Variants in FRYL observed in about 807,000 individuals in gnomAD.
FRYL encodes the protein protein furry homolog-like.
Under a neutral mutation model 351.2 loss-of-function variants are expected in FRYL, and 150 were observed. The ratio of observed to expected loss-of-function variants is 0.43; its 90% CI spans 0.37 to 0.49. The LOEUF is 0.49. Among genes scored for constraint, FRYL ranks in the 20% least tolerant of loss-of-function variants. FRYL has a pLI of 0.00. For synonymous variants in FRYL, 1,153 were observed against 1,257.1 expected, an observed-to-expected ratio of 0.92 and a Z score of 1.75; for missense variants, 3,036 against 3,619.3, an observed-to-expected ratio of 0.84 and a Z score of 4.13.
At chr4:48,598,231 C>T (rs375762987) in intron 13 of FRYL, among the ~76,000 whole-genome samples, 1 of 152,072 alleles carries the variant, frequency 6.6e-6, no homozygotes, top group Non-Finnish European at 1.5e-5. Context: ...AAAAAACAAA[C>T]CCAAATCAAT....
At chr4:48,502,378 T>C (rs1211232473) in intron 61 of FRYL, among the ~76,000 whole-genome samples, 4 of 151,966 alleles carry the variant, frequency 2.6e-5, no homozygotes, top group Admixed American at 6.6e-5. Context: ...CCGTCTCTAC[T>C]AAAAATACAA....
At chr4:48,690,952 G>C (rs1765625701) in intron 2 of FRYL, among the ~76,000 whole-genome samples, 1 of 152,138 alleles carries the variant, frequency 6.6e-6, no homozygotes, top group African/African-American at 2.4e-5. Flanking sequence ...CAAGTAAGTA[G>C]CTACAATTTA....
At chr4:48,666,177 C>T (rs975999629) in intron 3 of FRYL, among the ~76,000 whole-genome samples, 15 of 152,098 alleles carry the variant, frequency 9.9e-5, no homozygotes, top group African/African-American at 3.4e-4. Context: ...GCCTGGCCAA[C>T]ATGGTGAAAC....
rs1775802385 is a variant in FRYL, at chr4:48,774,318, T to C, written c.-384+5760A>G. ...TTTTAACTCTTCACAAAACTTAACA[T>C]ATCAAAACTGCTGCATTATGGTCAA... is the stretch of plus-strand genomic sequence containing the variant. On this transcript the variant is annotated intron_variant, in intron 1 of 63. Coordinates refer to ENST00000358350, the MANE Select transcript of FRYL (RefSeq NM_015030.2). Among the ~76,000 whole-genome samples the C allele has an allele frequency of 2.0e-5, 3 of 152,148 alleles. No individual in the cohort carries two copies. In the South Asian group the frequency reaches 6.2e-4, roughly 31 times the overall value.
intron 1 of FRYL, among the ~76,000 whole-genome samples, chr4:48,776,014 G>A (rs949930898): frequency 1.4e-5 from 2 of 142,632 alleles, no homozygotes; most frequent in African/African-American, 5.2e-5. Context: ...AAGCATGAGA[G>A]ACAGTTTAAG....
chr4:48,547,507 G>T, intron 41 of FRYL, 77 bp downstream of exon 41: 1 of 759,022 alleles, frequency 1.3e-6, no homozygotes, highest in Non-Finnish European at 2.0e-6. Context: ...CTTTTATTCA[G>T]TTGACTTTCT....
rs956107795 is a variant in FRYL at position 48,540,088 on chromosome 4, C to G, written c.6296-20G>C. The G allele has an allele frequency of 1.9e-6, 3 of 1,554,560 alleles. No homozygotes were observed. The East Asian group carries it at 6.8e-5, about 35-fold the overall frequency. On this transcript the variant is annotated intron_variant, in intron 46 of 63. Coordinates refer to ENST00000358350, the MANE Select transcript of FRYL (RefSeq NM_015030.2). ...GAAAGCCTATCAAAACAAAAAAAAG[C>G]AAACAATAACCAATTTTATTGCACA...
chr4:48,666,857 C>T (rs1761799001), intron 3 of FRYL, among the ~76,000 whole-genome samples: 1 of 152,096 alleles, frequency 6.6e-6, no homozygotes. Context: ...AATCTTAACT[C>T]ACTCTTTAGA....
Position 48,543,834 on chromosome 4 carries a change from AGTTTC to A in FRYL, c.5560_5564del (p.Glu1854CysfsTer14). ...GTGCATCTTCTCCTGGATCCCCTAC[AGTTTC>A]TACAAGTCTGGAGAGAACATCAGAA... On this transcript the variant is annotated frameshift_variant, in exon 44 of 64. Transcript: ENST00000358350. LOFTEE classifies it high-confidence loss of function. The A allele has an allele frequency of 6.2e-7, 1 of 1,613,660 alleles. No homozygotes were observed. The highest frequency in any genetic ancestry group is 8.5e-7 in the Non-Finnish European group (1 of 1,179,712).
intron 31 of FRYL, among the ~76,000 whole-genome samples, chr4:48,563,280 A>T (rs1366741141): frequency 7.4e-6 from 1 of 134,972 alleles, no homozygotes; most frequent in Non-Finnish European, 1.6e-5. Flanking sequence ...CTGATGAACT[A>T]AAAAAAAAAA....
chr4:48,527,013 T>G (rs1726398422), intron 53 of FRYL, among the ~76,000 whole-genome samples: 1 of 152,178 alleles, frequency 6.6e-6, no homozygotes, highest in Non-Finnish European at 1.5e-5. Context: ...ATATGAGTAG[T>G]ATATGTATAT....
chr4:48,533,052 T>C (rs1283120836), intron 49 of FRYL, among the ~76,000 whole-genome samples: 13 of 152,112 alleles, frequency 8.5e-5, no homozygotes, highest in Admixed American at 8.5e-4. Context: ...TATTCTAACA[T>C]GAAAACCACC....
intron 19 of FRYL, 142 bp downstream of exon 19, chr4:48,586,479 G>A: frequency 2.1e-6 from 1 of 487,248 alleles, no homozygotes; most frequent in Non-Finnish European, 3.6e-6. Context: ...AAGACAAAAT[G>A]GAAGTTTAGA....
chr4:48,610,751 T>A (rs2149282212), intron 7 of FRYL, among the ~76,000 whole-genome samples: 1 of 146,584 alleles, frequency 6.8e-6, no homozygotes, highest in African/African-American at 2.5e-5. Flanking sequence ...ATATATTGTA[T>A]ATATACATAT....
At chr4:48,541,537 G>GA (rs1276584493) in intron 45 of FRYL, among the ~76,000 whole-genome samples, 6 of 152,138 alleles carry the variant, frequency 3.9e-5, no homozygotes, top group African/African-American at 2.4e-5. Context: ...ATTACAATAT[G>GA]AAAAAATCAC....
intron 3 of FRYL, among the ~76,000 whole-genome samples, chr4:48,656,727 AC>A (rs1759291320): frequency 4.3e-4 from 6 of 13,972 alleles, no homozygotes; most frequent in Non-Finnish European, 6.9e-4. Flanking sequence ...TATATGACTG[AC>A]TATATATATA....
Position 48,546,191 on chromosome 4 carries a change from T to A in FRYL, c.5155A>T (p.Ser1719Cys). Residue 1719 changes from serine to cysteine, a missense_variant, in exon 42 of 64, where the codon AGT becomes TGT. By Grantham distance (112) the Ser-to-Cys change is moderately radical. Transcript: ENST00000358350. Reference protein sequence around the residue: ...SGLSSSSTSSSISLGNNSAAI... With the variant: ...SGLSSSSTSSCISLGNNSAAI... The stretch of plus-strand genomic sequence containing the variant: ...GCACTGTTATTTCCTAAGCTGATAC[T>A]AGAAGAGGTAGAACTTGAGCTAAGC... 1.2e-6 allele frequency: 2 copies of A among 1,613,748 alleles called. No homozygotes were observed. Among genetic ancestry groups the A allele is most frequent in the Non-Finnish European group, 1.7e-6 (2 of 1,179,812 alleles).
intron 1 of FRYL, among the ~76,000 whole-genome samples, chr4:48,712,561 T>C (rs6823899): frequency 0.98 from 149,833 of 152,302 alleles, 73,738 homozygotes; most frequent in East Asian, 1. Flanking sequence ...AGAAATATGG[T>C]ACTGTGTGAA....
intron 17 of FRYL, 152 bp downstream of exon 17, chr4:48,590,507 C>CA (rs1261859649): frequency 1.1e-4 from 57 of 521,248 alleles, no homozygotes; most frequent in South Asian, 2.9e-4. Context: ...AAACAAAAAA[C>CA]AAAAAAAACC....
Sources: gnomAD v4.1 joint callset for allele counts (sites outside exome capture counted in the v4.1 genomes callset) on GRCh38, gnomAD v4.1.1 for gene constraint, MANE v1.5 for transcripts, NCBI Gene and HGNC (gene_info 2026-07-23, HGNC 2026-07-21) for gene names.